UGGT1: variants seen among roughly 807,000 people sequenced by gnomAD.
UGGT1 encodes UDP-glucose:glycoprotein glucosyltransferase 1.
UGGT1 carries 107 observed loss-of-function variants against 203.9 expected under a neutral mutation model. The observed-to-expected ratio is 0.52, with a 90% CI of 0.45 to 0.62. The LOEUF (loss-of-function observed/expected upper bound fraction) is 0.62, where lower values mean the gene tolerates loss of function less well. Ranked by LOEUF, UGGT1 falls within the 20% of genes least tolerant of loss-of-function variation. UGGT1 has a pLI of 0.00. For missense variants in UGGT1, 1,673 were observed against 1,867.2 expected (o/e 0.90, Z 1.92); for synonymous variants, 628 against 653.5 (o/e 0.96, Z 0.59).
chr2:128,159,765 A>G, intron 23 of UGGT1, 45 bp downstream of exon 23: 2 of 1,587,290 alleles, frequency 1.3e-6, no homozygotes, highest in South Asian at 2.2e-5. Context: ...TTTGTCTGCC[A>G]CGGAAGCTCA....
intron 2 of UGGT1, among the ~76,000 whole-genome samples, chr2:128,101,678 T>A (rs188209564): frequency 1.3e-5 from 2 of 152,190 alleles, no homozygotes; most frequent in African/African-American, 4.8e-5. Context: ...CATCTCTGAA[T>A]GGCAGCTTCT....
Position 128,179,885 on chromosome 2 carries a change from G to A in UGGT1, c.3900+15G>A, listed in dbSNP as rs766837284. On this transcript the variant is annotated intron_variant, in intron 35 of 40. Transcript: ENST00000259253. ...CCACATTTAAGGTTTGTTTCACAGA[G>A]AAAGGGAAAACATTCTTATTAAGGA... 28 of 1,600,506 alleles carry A rather than the reference G, an allele frequency of 1.7e-5. No homozygotes were observed. Among genetic ancestry groups the A allele is most frequent in the Non-Finnish European group, 2.4e-5 (28 of 1,168,648 alleles).
chr2:128,180,130 A>C (rs1691613287), intron 35 of UGGT1, among the ~76,000 whole-genome samples: 1 of 152,196 alleles, frequency 6.6e-6, no homozygotes, highest in South Asian at 2.1e-4. Flanking sequence ...TACTGAGATA[A>C]CGTTTCCTTC....
At chr2:128,150,668 C>CTTT (rs1205834782) in intron 18 of UGGT1, among the ~76,000 whole-genome samples, 17,704 of 136,660 alleles carry the variant, frequency 0.13, 1,345 homozygotes, top group Non-Finnish European at 0.15. Flanking sequence ...TAATTAATAA[C>CTTT]TTTTTTTTTT....
chr2:128,189,751 G>A lies in UGGT1; in HGVS notation c.*9G>A, dbSNP rs1423603735. Reference sequence around the variant, plus strand: ...AACGTGAAGAATTATGATCTCTGGAGAAGGACAGGAAATCACCCCATTTGA... The same window carrying A: ...AACGTGAAGAATTATGATCTCTGGAAAAGGACAGGAAATCACCCCATTTGA... On this transcript the variant is annotated 3_prime_UTR_variant, in exon 41 of 41. Coordinates refer to ENST00000259253, the MANE Select transcript of UGGT1 (RefSeq NM_020120.4). 4 of 1,612,914 alleles carry A rather than the reference G, an allele frequency of 2.5e-6. No individual in the cohort carries two copies. The South Asian group carries it at 3.3e-5, about 13-fold the overall frequency.
At position 128,160,609 on chromosome 2, in the gene UGGT1, T is replaced by C. The variant is rs761249079; in HGVS notation, c.2694+18T>C. ...ATGGAAGGGTGAGGATTTGTCAAGC[T>C]TGACTTCACATTAGATCCGTGAACA... On this transcript the variant is annotated intron_variant, in intron 24 of 40. Transcript: ENST00000259253. The C allele has an allele frequency of 8.1e-6, 13 of 1,604,184 alleles. No individual in the cohort carries two copies. Among genetic ancestry groups the C allele is most frequent in the Admixed American group, 6.9e-5 (4 of 57,990 alleles).
At position 128,132,012 on chromosome 2, in the gene UGGT1, C is replaced by A. The variant is rs557274438; in HGVS notation, c.1378-1129C>A. Among the ~76,000 whole-genome samples, 6 of 152,192 alleles carry A rather than the reference C, an allele frequency of 3.9e-5. No individual in the cohort carries two copies. In the South Asian group the frequency reaches 1.2e-3, roughly 32 times the overall value. On this transcript the variant is annotated intron_variant, in intron 13 of 40. Coordinates refer to ENST00000259253, the MANE Select transcript of UGGT1 (RefSeq NM_020120.4). ...TTCTCTAAAGTGTTTGTCCACATAC[C>A]AGCATTGCATGAGAGTTCTCTTTGC... is the stretch of plus-strand genomic sequence containing the variant.
Position 128,189,885 on chromosome 2 carries a change from G to A in UGGT1, c.*143G>A. 1.1e-6 allele frequency: 1 copy of A among 894,916 alleles called. No homozygotes were observed. The highest frequency in any genetic ancestry group is 1.7e-6 in the Non-Finnish European group (1 of 579,882). 55.4% of individuals were successfully genotyped at this position (894,916 alleles called of 1,614,324 possible). On this transcript the variant is annotated 3_prime_UTR_variant, in exon 41 of 41. Transcript: ENST00000259253. ...CTTTTGATTCTGAGCATTTGATTCT[G>A]ACTTCTGTACTCTGGTGGCCACTGG...
chr2:128,098,693 G>C (rs1687226805), intron 2 of UGGT1, among the ~76,000 whole-genome samples: 1 of 149,914 alleles, frequency 6.7e-6, no homozygotes, highest in South Asian at 2.1e-4. Context: ...AGGTTGCAGT[G>C]AGCCCAGATC....
At chr2:128,149,347 T>A (rs1239762477) in intron 18 of UGGT1, among the ~76,000 whole-genome samples, 1 of 149,482 alleles carries the variant, frequency 6.7e-6, no homozygotes, top group African/African-American at 2.4e-5. Flanking sequence ...TGGCCAGTAT[T>A]CCATTATAAA....
intron 5 of UGGT1, among the ~76,000 whole-genome samples, 176 bp downstream of exon 5, chr2:128,109,922 TG>T (rs1339990921): frequency 3.3e-5 from 5 of 152,200 alleles, no homozygotes; most frequent in Non-Finnish European, 7.3e-5. Flanking sequence ...AAAATAGTTT[TG>T]TGAAATGTGG....
intron 1 of UGGT1, among the ~76,000 whole-genome samples, chr2:128,094,340 G>A (rs1687007498): frequency 6.6e-6 from 1 of 151,990 alleles, no homozygotes; most frequent in Non-Finnish European, 1.5e-5. Context: ...TATTTTTGAG[G>A]CTATTTAATA....
chr2:128,182,442 T>A, intron 37 of UGGT1, 152 bp downstream of exon 37: 1 of 1,032,974 alleles, frequency 9.7e-7, no homozygotes, highest in Non-Finnish European at 1.3e-6. Flanking sequence ...GCTCATGCCT[T>A]AATCCCAGCA....
At chr2:128,142,849 G>A (rs140101847) in intron 16 of UGGT1, among the ~76,000 whole-genome samples, 3 of 151,864 alleles carry the variant, frequency 2.0e-5, no homozygotes, top group African/African-American at 7.3e-5. Context: ...TGGGCGTGGT[G>A]GCAGGTGTCT....
chr2:128,128,984 A>G (rs753774242), intron 12 of UGGT1, 45 bp from the exon 13 acceptor site: 1 of 1,481,056 alleles, frequency 6.8e-7, no homozygotes, highest in South Asian at 1.4e-5. Context: ...TTTTTTTTAA[A>G]AGCTTTTTTT....
chr2:128,165,764 C>T (rs1255692561), intron 26 of UGGT1, among the ~76,000 whole-genome samples: 3 of 151,168 alleles, frequency 2.0e-5, no homozygotes, highest in Non-Finnish European at 4.4e-5. Flanking sequence ...TTATTGAAAA[C>T]TTTTTTTAAA....
Position 128,189,993 on chromosome 2 carries a change from C to T in UGGT1, c.*251C>T, listed in dbSNP as rs147572756. The stretch of plus-strand genomic sequence containing the variant: ...TCCTTTGGACTCTGTAAAGAGCATT[C>T]TTCTAGTCAGAGGGTGGAATGGCAG... On this transcript the variant is annotated 3_prime_UTR_variant, in exon 41 of 41. Coordinates refer to ENST00000259253, the MANE Select transcript of UGGT1 (RefSeq NM_020120.4). 37 of 399,294 alleles carry T rather than the reference C, an allele frequency of 9.3e-5. No homozygotes were observed. Among genetic ancestry groups the T allele is most frequent in the African/African-American group, 7.2e-4 (36 of 49,884 alleles). The allele number at this position is 399,294 out of a possible 1,614,324, so 24.7% of individuals were successfully genotyped here. A position where few individuals can be genotyped will look rare whatever the true frequency, so the allele number is the denominator to read the frequency against.
At position 128,152,450 on chromosome 2, in the gene UGGT1, T is replaced by C. The variant is rs60277781; in HGVS notation, c.2017-334T>C. 9.5e-3 allele frequency among the ~76,000 whole-genome samples: 1,450 copies of C among 152,342 alleles called. 23 individuals carry two copies. The highest frequency in any genetic ancestry group is 0.032 in the African/African-American group (1,325 of 41,584). On this transcript the variant is annotated intron_variant, in intron 18 of 40. Coordinates refer to ENST00000259253, the MANE Select transcript of UGGT1 (RefSeq NM_020120.4). Reference sequence around the variant, plus strand: ...CTGGGATTACAGGCATGAGCCACCATTCCTGGCCTGGGTTTGCATTTCATA... The same window carrying C: ...CTGGGATTACAGGCATGAGCCACCACTCCTGGCCTGGGTTTGCATTTCATA...
At position 128,161,278 on chromosome 2, in the gene UGGT1, G is replaced by A. The variant is rs775034947; in HGVS notation, c.2825+10G>A. The A allele has an allele frequency of 6.2e-7, 1 of 1,612,410 alleles. No homozygotes were observed. The highest frequency in any genetic ancestry group is 1.1e-5 in the South Asian group (1 of 90,904). ...GGGTAGAAGAAGATGTGTAAGTTTT[G>A]CCATAGGAGGAATTACAGGGGTTAT... On this transcript the variant is annotated intron_variant, in intron 25 of 40. Transcript: ENST00000259253.
Sources: gnomAD v4.1 joint callset for allele counts (sites outside exome capture counted in the v4.1 genomes callset) on GRCh38, gnomAD v4.1.1 for gene constraint, MANE v1.5 for transcripts, NCBI Gene and HGNC (gene_info 2026-07-23, HGNC 2026-07-21) for gene names.